ACAA2: variants seen among roughly 807,000 people sequenced by gnomAD.
ACAA2 encodes the protein 3-ketoacyl-CoA thiolase, mitochondrial.
ACAA2 carries 35 observed loss-of-function variants against 44.8 expected under a neutral mutation model. That is an observed-to-expected ratio of 0.78 (90% CI 0.60 to 1.04). The LOEUF is 1.04. ACAA2 is among the 50% of genes least tolerant of loss of function. ACAA2 has a pLI of 0.00. For missense variants in ACAA2, 468 were observed against 482.6 expected, an observed-to-expected ratio of 0.97 and a Z score of 0.28; for synonymous variants, 142 against 166.5, an observed-to-expected ratio of 0.85 and a Z score of 1.13.
At chr18:49,800,890 T>A (rs375217507) in intron 2 of ACAA2, among the ~76,000 whole-genome samples, 963 of 120,372 alleles carry the variant, frequency 8.0e-3, no homozygotes, top group East Asian at 9.0e-3. Flanking sequence ...GAATGATCAA[T>A]AAAAAAAAAA....
intron 4 of ACAA2, among the ~76,000 whole-genome samples, chr18:49,794,644 T>C (rs1313319071): frequency 6.6e-6 from 1 of 152,182 alleles, no homozygotes; most frequent in Non-Finnish European, 1.5e-5. Flanking sequence ...ACATTCTCTG[T>C]CCCTCTCTAA....
At chr18:49,787,023 G>GT (rs1470640632) in intron 8 of ACAA2, among the ~76,000 whole-genome samples, 1 of 152,058 alleles carries the variant, frequency 6.6e-6, no homozygotes, top group Non-Finnish European at 1.5e-5. Context: ...TTATAAAGTA[G>GT]TAAGAAATTC....
At chr18:49,784,083 G>A in intron 9 of ACAA2, 152 bp from the exon 10 acceptor site, 2 of 655,000 alleles carry the variant, frequency 3.1e-6, no homozygotes, top group South Asian at 2.0e-5. Context: ...ATTACAACAG[G>A]CAACAGACTT....
At chr18:49,793,521 T>C (rs2023430497) in intron 5 of ACAA2, among the ~76,000 whole-genome samples, 1 of 152,220 alleles carries the variant, frequency 6.6e-6, no homozygotes, top group South Asian at 2.1e-4. Flanking sequence ...ACTATGAACA[T>C]ATAAGTAAAA....
intron 8 of ACAA2, among the ~76,000 whole-genome samples, chr18:49,786,932 T>TTCTATTATG (rs569356314): frequency 8.5e-5 from 13 of 152,312 alleles, no homozygotes; most frequent in African/African-American, 2.9e-4. Flanking sequence ...AATATTGCTT[T>TTCTATTATG]TCTATTATGT....
intron 1 of ACAA2, among the ~76,000 whole-genome samples, chr18:49,808,658 C>G (rs140510783): frequency 6.6e-6 from 1 of 151,924 alleles, no homozygotes; most frequent in Non-Finnish European, 1.5e-5. Flanking sequence ...AGCAGGTGTA[C>G]GAACAGGGAG....
At chr18:49,808,172 A>G (rs1463149858) in intron 1 of ACAA2, among the ~76,000 whole-genome samples, 1 of 152,206 alleles carries the variant, frequency 6.6e-6, no homozygotes, top group Non-Finnish European at 1.5e-5. Flanking sequence ...TTTGGATTTT[A>G]GAAAGGCTAA....
chr18:49,790,920 G>A (rs1332438128), intron 7 of ACAA2, among the ~76,000 whole-genome samples: 1 of 152,186 alleles, frequency 6.6e-6, no homozygotes, highest in African/African-American at 2.4e-5. Context: ...TGATTTCAGA[G>A]AGACTTGGAT....
chr18:49,787,260 TA>T lies in ACAA2; in HGVS notation c.954+30del, dbSNP rs35932656. Reference sequence around the variant, plus strand: ...AAAGTACATGGTTTATTCATGTTGTTAAAAAAAAAAAAAAAAAAAAAAACAC... The same window carrying T: ...AAAGTACATGGTTTATTCATGTTGTTAAAAAAAAAAAAAAAAAAAAAACAC... On this transcript the variant is annotated intron_variant, in intron 8 of 9. Coordinates refer to ENST00000285093, the MANE Select transcript of ACAA2 (RefSeq NM_006111.3). 68,096 of 1,012,552 alleles carry T rather than the reference TA, an allele frequency of 0.067. 456 individuals are homozygous for T. The highest frequency in any genetic ancestry group is 0.19 in the East Asian group (5,309 of 27,858). The allele number at this position is 1,012,552 out of a possible 1,614,324, so 62.7% of individuals were successfully genotyped here.
chr18:49,783,970 A>C, intron 9 of ACAA2, 39 bp from the exon 10 acceptor site: 1 of 1,528,058 alleles, frequency 6.5e-7, no homozygotes, highest in South Asian at 1.1e-5. Flanking sequence ...ACTCTAATAA[A>C]AAATCAGATT....
chr18:49,783,973 A>G, intron 9 of ACAA2, 42 bp from the exon 10 acceptor site: 1 of 1,512,580 alleles, frequency 6.6e-7, no homozygotes, highest in South Asian at 1.1e-5. Flanking sequence ...CTAATAAAAA[A>G]TCAGATTAAT....
intron 8 of ACAA2, 50 bp downstream of exon 8, chr18:49,787,241 C>T: frequency 1.6e-6 from 2 of 1,212,738 alleles, no homozygotes; most frequent in Non-Finnish European, 2.1e-6. Context: ...TATAAAAGTA[C>T]ATGGTTTATT....
intron 1 of ACAA2, among the ~76,000 whole-genome samples, chr18:49,808,593 G>A (rs989922266): frequency 7.2e-5 from 11 of 152,080 alleles, no homozygotes; most frequent in African/African-American, 2.2e-4. Context: ...GTAGGTCCAG[G>A]ATGCCCACCT....
intron 1 of ACAA2, 115 bp downstream of exon 1, chr18:49,813,354 G>T: frequency 2.4e-6 from 2 of 822,138 alleles, no homozygotes; most frequent in Non-Finnish European, 3.3e-6. Flanking sequence ...AACCGAGGAG[G>T]TTGAGTGAAC....
intron 3 of ACAA2, among the ~76,000 whole-genome samples, 174 bp downstream of exon 3, chr18:49,797,292 G>T (rs1282765025): frequency 2.1e-5 from 3 of 145,562 alleles, no homozygotes; most frequent in African/African-American, 5.1e-5. Flanking sequence ...TTTTTTTGGA[G>T]CCAAGGTCTC....
chr18:49,795,664 G>C (rs2143960424), intron 4 of ACAA2, 101 bp downstream of exon 4: 2 of 612,372 alleles, frequency 3.3e-6, no homozygotes, highest in East Asian at 6.1e-5. Context: ...CAACGAAATT[G>C]GCTTCAAAAT....
intron 1 of ACAA2, chr18:49,813,148 A>C (rs1177582847): frequency 3.6e-6 from 1 of 275,022 alleles, no homozygotes; most frequent in Admixed American, 5.3e-5. Flanking sequence ...ATTTTTTCTA[A>C]TACTTGGACT....
chr18:49,810,183 G>A (rs1257103287), intron 1 of ACAA2, among the ~76,000 whole-genome samples: 1 of 152,074 alleles, frequency 6.6e-6, no homozygotes, highest in Non-Finnish European at 1.5e-5. Flanking sequence ...TTCCAAATTT[G>A]ATAAAAAACA....
chr18:49,799,883 G>T (rs7240709), intron 2 of ACAA2, among the ~76,000 whole-genome samples: 3,124 of 32,174 alleles, frequency 0.097, no homozygotes, highest in East Asian at 0.16. Flanking sequence ...CCATCTGGGA[G>T]GTGAGGAGCG....
Sources: allele counts gnomAD v4.1 joint callset (sites outside exome capture counted in the v4.1 genomes callset), GRCh38; gene constraint gnomAD v4.1.1; transcripts MANE v1.5; gene names NCBI Gene and HGNC (gene_info 2026-07-23, HGNC 2026-07-21).